The following CHLSN variants were observed in gnomAD, a reference collection of about 807,000 sequenced individuals.
CHLSN encodes cholesin.
chr7:1,039,133 C>T, the CHLSN span, among the ~76,000 whole-genome samples: 9 of 43,766 alleles, frequency 2.1e-4, no homozygotes, highest in Non-Finnish European at 1.8e-4. Context: ...GCCGCCCCTA[C>T]TGGGAAGTGA....
At chr7:992,561 T>C in the CHLSN span, among the ~76,000 whole-genome samples, 1 of 152,256 alleles carries the variant, frequency 6.6e-6, no homozygotes, top group African/African-American at 2.4e-5. Flanking sequence ...TGTAGGGGCC[T>C]GGGGCCTTGT....
chr7:1,055,167 G>A, the CHLSN span: 15 of 459,358 alleles, frequency 3.3e-5, no homozygotes, highest in East Asian at 7.0e-5. Context: ...TTTGCAGTGC[G>A]GTCCCGTCCA....
chr7:984,666 C>T, the CHLSN span: 3 of 1,478,500 alleles, frequency 2.0e-6, no homozygotes, highest in South Asian at 3.8e-5. Context: ...GAGAGGCTCC[C>T]AGGGTGGCCT....
At chr7:997,574 G>A in the CHLSN span, 4 of 1,408,726 alleles carry the variant, frequency 2.8e-6, no homozygotes, top group Admixed American at 3.2e-5. Context: ...CACCCTGTGT[G>A]GTCTGAGGCA....
chr7:1,087,483 A>G, the CHLSN span, among the ~76,000 whole-genome samples: 1 of 152,230 alleles, frequency 6.6e-6, no homozygotes, highest in Non-Finnish European at 1.5e-5. Context: ...ACTTTATAAA[A>G]ACACTTTTAA....
At chr7:1,021,429 C>A in the CHLSN span, 17 of 985,352 alleles carry the variant, frequency 1.7e-5, no homozygotes, top group Non-Finnish European at 1.9e-5. Flanking sequence ...CTCTGCCCAG[C>A]CTTCCTGTCT....
chr7:1,057,534 T>C, the CHLSN span: 1 of 771,326 alleles, frequency 1.3e-6, no homozygotes. Flanking sequence ...CTGCAGCTGG[T>C]TCAACGGCAC....
the CHLSN span, among the ~76,000 whole-genome samples, chr7:1,016,693 GCATGCCAGCA>G: frequency 2.7e-4 from 19 of 71,628 alleles, no homozygotes; most frequent in Middle Eastern, 0.014. Flanking sequence ...GCACAGCAGC[GCATGCCAGCA>G]CACGCCAGCG....
the CHLSN span, among the ~76,000 whole-genome samples, chr7:1,003,510 T>C: frequency 3.2e-5 from 1 of 31,538 alleles, no homozygotes; most frequent in Admixed American, 3.6e-4. Flanking sequence ...GGGAGTCCTG[T>C]GGGTGGGGAG....
the CHLSN span, among the ~76,000 whole-genome samples, chr7:1,044,827 G>A: frequency 1.3e-5 from 2 of 152,248 alleles, no homozygotes; most frequent in Admixed American, 6.5e-5. Context: ...CTTGCCAGGA[G>A]GGGACCGCTG....
chr7:1,045,171 C>G, the CHLSN span, among the ~76,000 whole-genome samples: 1 of 152,256 alleles, frequency 6.6e-6, no homozygotes, highest in Non-Finnish European at 1.5e-5. Flanking sequence ...ACCACCACTA[C>G]CAGCAGCAGA....
At chr7:979,816 G>C in the CHLSN span, among the ~76,000 whole-genome samples, 1 of 152,232 alleles carries the variant, frequency 6.6e-6, no homozygotes, top group South Asian at 2.1e-4. Flanking sequence ...CATTCTTCCA[G>C]GGGGCGCGCC....
At chr7:1,002,847 G>GT in the CHLSN span, among the ~76,000 whole-genome samples, 1 of 90,250 alleles carries the variant, frequency 1.1e-5, no homozygotes, top group Non-Finnish European at 2.3e-5. Context: ...CCTGCGGGTG[G>GT]GGAGTCCTGT....
chr7:1,016,560 AGC>A, the CHLSN span, among the ~76,000 whole-genome samples: 2 of 142,174 alleles, frequency 1.4e-5, no homozygotes, highest in Non-Finnish European at 3.1e-5. Context: ...AGCGCACAGC[AGC>A]GCACACCAGT....
At chr7:1,087,372 A>T in the CHLSN span, 1 of 152,232 alleles carries the variant, frequency 6.6e-6, no homozygotes, top group Admixed American at 6.5e-5. Flanking sequence ...CGGAGTTCAG[A>T]TTTTTGCAGA....
chr7:1,070,927 A>AT, the CHLSN span, among the ~76,000 whole-genome samples: 8 of 112,680 alleles, frequency 7.1e-5, no homozygotes, highest in African/African-American at 2.5e-4. Context: ...CAGCACGCAC[A>AT]GACACGCACA....
At chr7:1,135,948 AATAT>A in the CHLSN span, among the ~76,000 whole-genome samples, 1 of 102,644 alleles carries the variant, frequency 9.7e-6, no homozygotes, top group Non-Finnish European at 1.9e-5. Flanking sequence ...AGTATATATA[AATAT>A]ATATAAATAT....
the CHLSN span, among the ~76,000 whole-genome samples, chr7:1,088,798 T>C: frequency 6.6e-6 from 1 of 152,056 alleles, no homozygotes; most frequent in African/African-American, 2.4e-5. The surrounding 1 kb of genome is among the most constrained non-coding windows in gnomAD (Gnocchi z 4.5). Flanking sequence ...TATTGCACTG[T>C]TTATAACTCC....
At chr7:1,105,128 C>T in the CHLSN span, among the ~76,000 whole-genome samples, 28 of 152,186 alleles carry the variant, frequency 1.8e-4, no homozygotes, top group African/African-American at 6.5e-4. Context: ...TGTTACAATC[C>T]TGGGTAAAAG....
Sources: allele counts gnomAD v4.1 joint callset (sites outside exome capture counted in the v4.1 genomes callset), GRCh38; gene constraint gnomAD v4.1.1; non-coding constraint Gnocchi (gnomAD v3.1); transcripts MANE v1.5; gene names NCBI Gene and HGNC (gene_info 2026-07-23, HGNC 2026-07-21).